Variants in ETS1 observed in about 807,000 individuals in gnomAD.
The protein encoded by ETS1 is ETS proto-oncogene 1, transcription factor.
In ETS1, 15 loss-of-function variants were observed where a neutral mutation model predicts 58.6. The ratio of observed to expected loss-of-function variants is 0.26; its 90% CI spans 0.17 to 0.39. ETS1 has a LOEUF of 0.39. Ranked by LOEUF, ETS1 falls within the 10% of genes least tolerant of loss-of-function variation. The pLI is 1.00. For synonymous variants in ETS1, 214 were observed against 218.2 expected, an observed-to-expected ratio of 0.98 and a Z score of 0.17; for missense variants, 417 against 610.5, an observed-to-expected ratio of 0.68 and a Z score of 3.34.
chr11:128,503,893 T>C (rs1863156659), intron 3 of ETS1, among the ~76,000 whole-genome samples: 1 of 152,152 alleles, frequency 6.6e-6, no homozygotes, highest in South Asian at 2.1e-4. Context: ...GCCGTCCCTC[T>C]GCCTATCACA....
At chr11:128,583,975 A>G (rs1864925710) in intron 1 of ETS1, among the ~76,000 whole-genome samples, 1 of 152,224 alleles carries the variant, frequency 6.6e-6, no homozygotes, top group South Asian at 2.1e-4. Flanking sequence ...AGGTTATACT[A>G]CACTACTTAA....
intron 8 of ETS1, among the ~76,000 whole-genome samples, chr11:128,471,157 T>A (rs1393828863): frequency 2.0e-5 from 3 of 152,164 alleles, no homozygotes; most frequent in African/African-American, 2.4e-5. Flanking sequence ...AAGAGACGGG[T>A]CCCACCAGCA....
At chr11:128,488,671 C>T (rs1862705387) in intron 5 of ETS1, among the ~76,000 whole-genome samples, 1 of 152,352 alleles carries the variant, frequency 6.6e-6, no homozygotes, top group East Asian at 1.9e-4. Context: ...GACTGTGGTA[C>T]ATGAGTCACT....
At chr11:128,570,032 T>C (rs1190842133) in intron 2 of ETS1, among the ~76,000 whole-genome samples, 1 of 152,182 alleles carries the variant, frequency 6.6e-6, no homozygotes, top group Non-Finnish European at 1.5e-5. Flanking sequence ...GGTGTTCAAT[T>C]GCAGGGAGGT....
chr11:128,496,779 G>C (rs186553850), intron 3 of ETS1, among the ~76,000 whole-genome samples: 9 of 152,132 alleles, frequency 5.9e-5, no homozygotes, highest in Admixed American at 1.3e-4. Context: ...ACTAGAAACC[G>C]GGCAGGCAGG....
At chr11:128,570,907 T>C (rs564549616) in intron 2 of ETS1, among the ~76,000 whole-genome samples, 2 of 151,956 alleles carry the variant, frequency 1.3e-5, no homozygotes, top group Admixed American at 6.5e-5. Context: ...TGTTGGGGAG[T>C]GGGCAGTTTA....
intron 2 of ETS1, among the ~76,000 whole-genome samples, chr11:128,568,070 A>G (rs1864541236): frequency 6.6e-6 from 1 of 152,168 alleles, no homozygotes; most frequent in African/African-American, 2.4e-5. Flanking sequence ...GCCTTCCCTG[A>G]GGTGGAGCAC....
At chr11:128,563,355 T>C (rs1326721117) in intron 2 of ETS1, among the ~76,000 whole-genome samples, 1 of 152,198 alleles carries the variant, frequency 6.6e-6, no homozygotes, top group African/African-American at 2.4e-5. Flanking sequence ...GAAATAACTT[T>C]GTATTATTTT....
intron 1 of ETS1, among the ~76,000 whole-genome samples, chr11:128,579,833 T>C (rs557200356): frequency 1.9e-4 from 29 of 152,182 alleles, no homozygotes; most frequent in Admixed American, 1.2e-3. Context: ...ACTATAGAAA[T>C]GTATTTTTGA....
chr11:128,465,871 A>G (rs1412217044), intron 8 of ETS1, among the ~76,000 whole-genome samples: 1 of 152,214 alleles, frequency 6.6e-6, no homozygotes, highest in Non-Finnish European at 1.5e-5. Flanking sequence ...TTCACAGCAG[A>G]GAAAACTGAC....
intron 3 of ETS1, among the ~76,000 whole-genome samples, chr11:128,517,656 G>A (rs1863561088): frequency 6.6e-6 from 1 of 152,190 alleles, no homozygotes; most frequent in Non-Finnish European, 1.5e-5. Context: ...TAATTACACT[G>A]TCACTGTAAC....
Position 128,556,429 on chromosome 11 carries a change from C to A in ETS1, c.76G>T (p.Gly26Ter). 6.2e-7 allele frequency: 1 copy of A among 1,601,006 alleles called. No individual in the cohort carries two copies. Among genetic ancestry groups the A allele is most frequent in the South Asian group, 1.1e-5 (1 of 88,688 alleles). The change falls in exon 3 of 10, where the codon GGA becomes TGA. Residue 26 changes from glycine (G) to a stop codon, truncating the protein, a stop_gained. Coordinates refer to ENST00000392668, the MANE Select transcript of ETS1 (RefSeq NM_001143820.2). LOFTEE classifies it high-confidence loss of function. ...GGATCTTCATAAGTGTTGCTAGGTC[C>A]TTGCCTCTGTGCAAGAAAAAATAGA... The part of the protein sequence containing the change: ...SAPRPAVVRQ[G>*]PSNTYEDPRM...
At chr11:128,514,828 C>A (rs1863480149) in intron 3 of ETS1, among the ~76,000 whole-genome samples, 1 of 152,218 alleles carries the variant, frequency 6.6e-6, no homozygotes, top group South Asian at 2.1e-4. Context: ...GCCTGGAATT[C>A]CTAACCAGGT....
intron 5 of ETS1, among the ~76,000 whole-genome samples, chr11:128,486,714 C>T (rs913027854): frequency 9.9e-5 from 15 of 152,282 alleles, no homozygotes; most frequent in African/African-American, 1.4e-4. Context: ...TGGTGAAATG[C>T]GACTGCGCTT....
In ETS1 at chr11:128,464,255, A is replaced by G. The variant is rs562374218; in HGVS notation, c.1124-628T>C. On this transcript the variant is annotated intron_variant, in intron 8 of 9. Transcript: ENST00000392668. The surrounding 1 kb of genome is among the most constrained non-coding windows in gnomAD (Gnocchi z 4.1). ...ACCCAAAGGAAAAAAAAAAAAAAGC[A>G]TCATTACTATTTGAGGAATTAACGT... Among the ~76,000 whole-genome samples the G allele has an allele frequency of 1.2e-4, 18 of 151,046 alleles. No individual in the cohort carries two copies. The highest frequency in any genetic ancestry group is 2.4e-4 in the Non-Finnish European group (16 of 67,828).
intron 2 of ETS1, among the ~76,000 whole-genome samples, chr11:128,559,688 T>A (rs567625558): frequency 6.6e-6 from 1 of 152,332 alleles, no homozygotes; most frequent in Admixed American, 6.5e-5. Context: ...CCTGCCTGTT[T>A]ATTAGACATT....
intron 6 of ETS1, 85 bp downstream of exon 6, chr11:128,485,984 A>G (rs1457367934): frequency 3.8e-6 from 3 of 786,944 alleles, no homozygotes; most frequent in Middle Eastern, 2.3e-4. Flanking sequence ...TAGAATTACC[A>G]TGAAGGAGCC....
chr11:128,538,195 T>TC lies in ETS1; in HGVS notation c.214+18095_214+18096insG, dbSNP rs147229166. ...AAATGAGATTTAAACAACTGATTAA[T>TC]AAAAGTATGATGAAATTATCCTAGA... On this transcript the variant is annotated intron_variant, in intron 3 of 9. Coordinates refer to ENST00000392668, the MANE Select transcript of ETS1 (RefSeq NM_001143820.2). Among the ~76,000 whole-genome samples, 1,225 of 152,304 alleles carry TC rather than the reference T, an allele frequency of 8.0e-3. 11 individuals are homozygous for TC. Among genetic ancestry groups the TC allele is most frequent in the African/African-American group, 0.028 (1,164 of 41,564 alleles).
intron 8 of ETS1, among the ~76,000 whole-genome samples, chr11:128,472,620 C>T (rs1165646546): frequency 6.6e-6 from 1 of 152,206 alleles, no homozygotes; most frequent in Non-Finnish European, 1.5e-5. Context: ...ACCAGCACCC[C>T]TCATCCTGGG....
Sources: gnomAD v4.1 joint callset for allele counts (sites outside exome capture counted in the v4.1 genomes callset) on GRCh38, gnomAD v4.1.1 for gene constraint, Gnocchi (gnomAD v3.1) non-coding constraint, MANE v1.5 for transcripts, NCBI Gene and HGNC (gene_info 2026-07-23, HGNC 2026-07-21) for gene names.